Variants in PLD5 observed in about 807,000 individuals in gnomAD.
PLD5 encodes inactive phospholipase D5.
In PLD5, 36 loss-of-function variants were observed where a neutral mutation model predicts 61.1. The observed-to-expected ratio is 0.59, with a 90% confidence interval of 0.45 to 0.78. PLD5 has a LOEUF of 0.78. Among genes scored for constraint, PLD5 ranks in the 30% least tolerant of loss-of-function variants. The pLI is 0.00. For missense variants in PLD5, 515 were observed against 644.4 expected, an observed-to-expected ratio of 0.80 and a Z score of 2.17; for synonymous variants, 243 against 242.8, an observed-to-expected ratio of 1.00 and a Z score of -0.01.
intron 1 of PLD5, chr1:242,376,804 A>G (rs1213199082): frequency 2.9e-6 from 3 of 1,028,738 alleles, no homozygotes; most frequent in Non-Finnish European, 4.2e-6. Flanking sequence ...GAAAGAGAAT[A>G]TATTGCAACA....
intron 5 of PLD5, among the ~76,000 whole-genome samples, chr1:242,218,571 G>C (rs1404304982): frequency 6.6e-6 from 1 of 152,300 alleles, no homozygotes; most frequent in East Asian, 1.9e-4. Context: ...TTTGCAATTG[G>C]AAAGATTCCA....
chr1:242,527,415 C>T (rs567736438), upstream of PLD5, among the ~76,000 whole-genome samples: 2 of 152,208 alleles, frequency 1.3e-5, no homozygotes, highest in East Asian at 1.9e-4. Context: ...GGATTACAGG[C>T]GTGAGCCACC....
chr1:242,520,903 C>A (rs1187320551), intron 1 of PLD5, among the ~76,000 whole-genome samples: 2 of 152,148 alleles, frequency 1.3e-5, no homozygotes. Flanking sequence ...TACATTAGAC[C>A]TAAAGTAAAT....
chr1:242,379,538 A>G (rs1173820734), intron 1 of PLD5, among the ~76,000 whole-genome samples: 1 of 152,206 alleles, frequency 6.6e-6, no homozygotes, highest in Non-Finnish European at 1.5e-5. Flanking sequence ...TGAGCACAAT[A>G]GCATCCAGGA....
chr1:242,296,113 A>G (rs368843515), intron 2 of PLD5, among the ~76,000 whole-genome samples: 1 of 152,180 alleles, frequency 6.6e-6, no homozygotes, highest in East Asian at 1.9e-4. Context: ...TCTCAGTGAC[A>G]TGCTGTGCTC....
intron 1 of PLD5, among the ~76,000 whole-genome samples, chr1:242,354,963 G>A (rs1031332332): frequency 6.6e-6 from 1 of 151,912 alleles, no homozygotes; most frequent in Admixed American, 6.6e-5. Flanking sequence ...TGCATCCCAG[G>A]GATAGATCCC....
In PLD5 at chr1:242,089,942, G is replaced by A. The variant is rs200572394; in HGVS notation, c.1523C>T (p.Pro508Leu). ...GAGTTTGAACAGGCTTGAGCAGTTC[G>A]GCTGTTTGGTTGGCTGTAAGGTTTT... ...YAKTLQPTKQ[P>L]NCSSLFKLKP... The change falls in exon 10 of 10, where the codon CCG (proline) becomes CTG (leucine). Residue 508 changes from proline to leucine, a missense_variant. Pro to Leu is a moderately conservative substitution (Grantham distance 98). Transcript: ENST00000536534. The A allele has an allele frequency of 2.2e-5, 36 of 1,614,116 alleles. No individual in the cohort carries two copies. Among genetic ancestry groups the A allele is most frequent in the Middle Eastern group, 1.6e-4 (1 of 6,062 alleles).
intron 4 of PLD5, among the ~76,000 whole-genome samples, chr1:242,235,180 A>G (rs931778647): frequency 3.3e-5 from 5 of 152,186 alleles, no homozygotes; most frequent in African/African-American, 1.2e-4. Context: ...TTGCTAGGTT[A>G]TAAGCCTCAT....
At chr1:242,197,556 C>A (rs1175907819) in intron 5 of PLD5, among the ~76,000 whole-genome samples, 1 of 152,152 alleles carries the variant, frequency 6.6e-6, no homozygotes, top group Non-Finnish European at 1.5e-5. Flanking sequence ...CTCCATGAAT[C>A]CTTCCAGCTT....
At chr1:242,469,667 T>C (rs1667379424) in intron 1 of PLD5, among the ~76,000 whole-genome samples, 1 of 152,182 alleles carries the variant, frequency 6.6e-6, no homozygotes, top group Non-Finnish European at 1.5e-5. Context: ...CAAGCCACTA[T>C]GCCCAGCTAA....
chr1:242,357,623 T>C lies in PLD5; in HGVS notation c.190-9381A>G, dbSNP rs551822115. 1.8e-3 allele frequency among the ~76,000 whole-genome samples: 279 copies of C among 151,948 alleles called. 1 individual carries two copies. The highest frequency in any genetic ancestry group is 2.6e-3 in the Non-Finnish European group (179 of 67,940). On this transcript the variant is annotated intron_variant, in intron 1 of 9. Transcript: ENST00000536534. Reference sequence around the variant, plus strand: ...GCCTCAGCCTCCCGAGTAGCTGGGATTACAGGTGCCCGCCACCACACCTGG... The same window carrying C: ...GCCTCAGCCTCCCGAGTAGCTGGGACTACAGGTGCCCGCCACCACACCTGG...
intron 1 of PLD5, among the ~76,000 whole-genome samples, chr1:242,464,090 G>A (rs138869056): frequency 2.2e-4 from 34 of 152,276 alleles, no homozygotes; most frequent in African/African-American, 5.5e-4. Context: ...AGCACTTCAC[G>A]TAGTCATTCA....
intron 4 of PLD5, among the ~76,000 whole-genome samples, chr1:242,232,193 T>A (rs1030597935): frequency 9.2e-5 from 14 of 152,198 alleles, no homozygotes; most frequent in Middle Eastern, 3.4e-3. Flanking sequence ...TTCAGAATAT[T>A]GGAAATGAAA....
chr1:242,207,301 G>A (rs968476784), intron 5 of PLD5, among the ~76,000 whole-genome samples: 7 of 152,024 alleles, frequency 4.6e-5, no homozygotes, highest in South Asian at 2.1e-4. Context: ...CCCGCTCCCC[G>A]CTTTCCCCAC....
chr1:242,363,188 G>T (rs1019119174), intron 1 of PLD5, among the ~76,000 whole-genome samples: 2 of 151,888 alleles, frequency 1.3e-5, no homozygotes, highest in Non-Finnish European at 2.9e-5. Flanking sequence ...TGGAATAATC[G>T]CCAACCCACA....
intron 4 of PLD5, among the ~76,000 whole-genome samples, chr1:242,231,694 T>G (rs1189717487): frequency 6.6e-6 from 1 of 152,146 alleles, no homozygotes; most frequent in Admixed American, 6.5e-5. Context: ...GATAAGGCAA[T>G]GAGCTTAGAA....
chr1:242,245,865 G>A (rs1023001407), intron 4 of PLD5, among the ~76,000 whole-genome samples: 2 of 152,062 alleles, frequency 1.3e-5, no homozygotes, highest in African/African-American at 4.8e-5. Context: ...GCATCTTAAG[G>A]CAGCACTTAC....
At position 242,284,048 on chromosome 1, in the gene PLD5, T is replaced by G. The variant is rs35196793; in HGVS notation, c.495+4314A>C. On this transcript the variant is annotated intron_variant, in intron 3 of 9. Transcript: ENST00000536534. ...TCTCCATTCTTCATCACTTCACAAT[T>G]ATTCCCCTACCTGCCCAGTGAGAGG... Among the ~76,000 whole-genome samples the G allele has an allele frequency of 6.3e-3, 943 of 150,678 alleles. 9 individuals carry two copies. Among genetic ancestry groups the G allele is most frequent in the Non-Finnish European group, 8.5e-3 (574 of 67,598 alleles).
chr1:242,145,617 G>A (rs1664492647), intron 5 of PLD5, among the ~76,000 whole-genome samples: 1 of 152,080 alleles, frequency 6.6e-6, no homozygotes, highest in Admixed American at 6.5e-5. Flanking sequence ...TTTTAAAAAT[G>A]GAGGACAATT....
Sources: gnomAD v4.1 joint callset for allele counts (sites outside exome capture counted in the v4.1 genomes callset) on GRCh38, gnomAD v4.1.1 for gene constraint, MANE v1.5 for transcripts, NCBI Gene and HGNC (gene_info 2026-07-23, HGNC 2026-07-21) for gene names.